CRISPLD2: variants seen among roughly 807,000 people sequenced by gnomAD.
CRISPLD2 encodes the protein cysteine rich secretory protein LCCL domain containing 2.
In CRISPLD2, 47 loss-of-function variants were observed where a neutral mutation model predicts 71.1. The observed-to-expected ratio is 0.66, with a 90% CI of 0.52 to 0.84. The LOEUF is 0.84. Among genes scored for constraint, CRISPLD2 ranks in the 40% least tolerant of loss-of-function variants. The pLI is 0.00. For synonymous variants in CRISPLD2, 317 were observed against 250.1 expected, an observed-to-expected ratio of 1.27 and a Z score of -2.52; for missense variants, 830 against 651.1, an observed-to-expected ratio of 1.27 and a Z score of -2.99.
At chr16:84,875,635 C>T (rs975512424) in intron 11 of CRISPLD2, among the ~76,000 whole-genome samples, 2 of 151,768 alleles carry the variant, frequency 1.3e-5, no homozygotes, top group Non-Finnish European at 2.9e-5. Flanking sequence ...CAGCTCACTG[C>T]AACCTCCTCC....
intron 9 of CRISPLD2, 145 bp downstream of exon 9, chr16:84,872,653 T>C (rs1256398010): frequency 1.3e-6 from 1 of 749,222 alleles, no homozygotes; most frequent in Non-Finnish European, 2.2e-6. Flanking sequence ...CGGGTGTATA[T>C]TTATGGGCTT....
At chr16:84,901,186 A>T (rs772895318) in intron 14 of CRISPLD2, among the ~76,000 whole-genome samples, 10 of 152,234 alleles carry the variant, frequency 6.6e-5, no homozygotes, top group Non-Finnish European at 4.4e-5. Flanking sequence ...ATCCCGAGAT[A>T]TATTGTTAAG....
chr16:84,843,541 T>C (rs1050323683), intron 2 of CRISPLD2, among the ~76,000 whole-genome samples: 3 of 152,182 alleles, frequency 2.0e-5, no homozygotes, highest in Admixed American at 1.3e-4. Context: ...TTCGGGCAGA[T>C]TGCTTAGCCT....
At chr16:84,862,170 A>G (rs1410819073) in intron 6 of CRISPLD2, among the ~76,000 whole-genome samples, 3 of 151,942 alleles carry the variant, frequency 2.0e-5, no homozygotes, top group African/African-American at 7.3e-5. Flanking sequence ...CAGCTCTCAG[A>G]ACTGGAGCTG....
intron 14 of CRISPLD2, among the ~76,000 whole-genome samples, chr16:84,903,598 T>TAA (rs10557896): frequency 1.5e-5 from 2 of 136,136 alleles, no homozygotes; most frequent in Admixed American, 7.4e-5. Flanking sequence ...TCTTAAAATT[T>TAA]AAAAAAAAAA....
At chr16:84,874,063 C>G in intron 11 of CRISPLD2, 100 bp downstream of exon 11, 1 of 1,080,686 alleles carries the variant, frequency 9.3e-7, no homozygotes, top group Non-Finnish European at 1.4e-6. Flanking sequence ...GTTTATCATG[C>G]GTGTGAACAT....
At chr16:84,823,419 A>G (rs1916275378) in intron 1 of CRISPLD2, among the ~76,000 whole-genome samples, 1 of 152,180 alleles carries the variant, frequency 6.6e-6, no homozygotes, top group Non-Finnish European at 1.5e-5. Context: ...TGTTTAACTT[A>G]TTGAGGAGAC....
chr16:84,856,089 C>A (rs527581973), intron 6 of CRISPLD2, among the ~76,000 whole-genome samples: 1 of 152,262 alleles, frequency 6.6e-6, no homozygotes, highest in East Asian at 1.9e-4. Flanking sequence ...TTCTGTATTC[C>A]CTTTGCCTTC....
chr16:84,889,442 A>T, intron 14 of CRISPLD2, 79 bp downstream of exon 14: 1 of 1,438,580 alleles, frequency 7.0e-7, no homozygotes, highest in Non-Finnish European at 9.3e-7. Context: ...AGAGGCCCAG[A>T]GTCATTACCC....
intron 11 of CRISPLD2, 49 bp downstream of exon 11, chr16:84,874,012 AT>A: frequency 1.3e-6 from 2 of 1,508,064 alleles, no homozygotes; most frequent in Non-Finnish European, 1.8e-6. Context: ...GTTATCTCAG[AT>A]TTTCCTGGAA....
intron 6 of CRISPLD2, among the ~76,000 whole-genome samples, chr16:84,863,814 C>G (rs1917456601): frequency 6.6e-6 from 1 of 151,826 alleles, no homozygotes; most frequent in South Asian, 2.1e-4. Context: ...ACTAAAAATA[C>G]ACAATTAGCC....
chr16:84,846,762 C>T (rs1028799739), intron 3 of CRISPLD2, among the ~76,000 whole-genome samples: 6 of 152,302 alleles, frequency 3.9e-5, no homozygotes, highest in East Asian at 3.9e-4. Context: ...TCCAGACCCC[C>T]GAGGCTTCCC....
chr16:84,886,850 T>C lies in CRISPLD2; in HGVS notation c.1306-2380T>C, dbSNP rs116909640. 2.6e-3 allele frequency among the ~76,000 whole-genome samples: 397 copies of C among 152,336 alleles called. 2 individuals are homozygous for C. Among genetic ancestry groups the C allele is most frequent in the Non-Finnish European group, 4.4e-3 (299 of 68,034 alleles). On this transcript the variant is annotated intron_variant, in intron 13 of 14. Transcript: ENST00000262424. ...AATACATAACATTAAACTTACCCTC[T>C]TAACCATTGTTAAGTGCACAGCTTA...
intron 14 of CRISPLD2, among the ~76,000 whole-genome samples, chr16:84,900,949 C>T (rs1279399856): frequency 6.6e-6 from 1 of 150,434 alleles, no homozygotes; most frequent in East Asian, 2.0e-4. Flanking sequence ...ACTGGTGAGG[C>T]TGAGGTGGGA....
At chr16:84,885,189 G>C (rs919028619) in intron 13 of CRISPLD2, among the ~76,000 whole-genome samples, 1 of 152,196 alleles carries the variant, frequency 6.6e-6, no homozygotes, top group Non-Finnish European at 1.5e-5. Flanking sequence ...GTGTGAGAAC[G>C]TATCCAAGCA....
At chr16:84,876,550 T>C (rs763837587) in intron 11 of CRISPLD2, among the ~76,000 whole-genome samples, 6 of 148,302 alleles carry the variant, frequency 4.0e-5, no homozygotes, top group Non-Finnish European at 8.9e-5. Flanking sequence ...CTTAGCACTT[T>C]GGGAGGCTGA....
At chr16:84,901,077 T>G (rs56394829) in intron 14 of CRISPLD2, among the ~76,000 whole-genome samples, 31,285 of 151,058 alleles carry the variant, frequency 0.21, 3,722 homozygotes, top group South Asian at 0.28. Context: ...GAACTAAATG[T>G]CCACCAATAG....
intron 14 of CRISPLD2, among the ~76,000 whole-genome samples, chr16:84,903,126 G>C (rs755129271): frequency 1.3e-5 from 2 of 152,040 alleles, no homozygotes; most frequent in East Asian, 3.9e-4. Flanking sequence ...GGGTGACTCC[G>C]ATCTGATTTG....
At chr16:84,902,566 C>T (rs1232113908) in intron 14 of CRISPLD2, among the ~76,000 whole-genome samples, 2 of 150,464 alleles carry the variant, frequency 1.3e-5, no homozygotes, top group South Asian at 2.1e-4. Context: ...GCAGAGATCA[C>T]GCCACTGCAC....
Sources: gnomAD v4.1 joint callset for allele counts (sites outside exome capture counted in the v4.1 genomes callset) on GRCh38, gnomAD v4.1.1 for gene constraint, MANE v1.5 for transcripts, NCBI Gene and HGNC (gene_info 2026-07-23, HGNC 2026-07-21) for gene names.